The following FEZ2 variants were observed in gnomAD, a reference collection of about 807,000 sequenced individuals.
FEZ2 encodes fasciculation and elongation protein zeta 2, also known as fasciculation and elongation protein zeta-2.
In FEZ2, 51 loss-of-function variants were observed where a neutral mutation model predicts 40.4. That is an observed-to-expected ratio of 1.26 (90% CI 1.01 to 1.59). The LOEUF is 1.59. FEZ2 is among the 40% of genes most tolerant of loss of function. The probability of loss-of-function intolerance (pLI) is 0.00; values close to 1 mark genes in which losing one functional copy is unlikely to be tolerated. For missense variants in FEZ2, 640 were observed against 438.3 expected (o/e 1.46, Z -4.11); for synonymous variants, 242 against 172.0 (o/e 1.41, Z -3.18).
At chr2:36,582,129 T>C (rs1479703532) in intron 3 of FEZ2, among the ~76,000 whole-genome samples, 2 of 152,088 alleles carry the variant, frequency 1.3e-5, no homozygotes, top group Non-Finnish European at 2.9e-5. Flanking sequence ...ATCTTGCCCT[T>C]TTCCAGATTC....
intron 5 of FEZ2, among the ~76,000 whole-genome samples, chr2:36,565,721 T>C (rs776363312): frequency 7.9e-5 from 12 of 152,120 alleles, no homozygotes; most frequent in African/African-American, 1.7e-4. Flanking sequence ...GTTTTGAATA[T>C]AGCAATTATC....
chr2:36,590,873 C>G (rs1196719753), intron 2 of FEZ2, 30 bp downstream of exon 2: 1 of 1,216,850 alleles, frequency 8.2e-7, no homozygotes, highest in Non-Finnish European at 1.2e-6. Context: ...ATCAGTTATT[C>G]AAACACTATT....
chr2:36,574,377 T>C (rs978319297), intron 5 of FEZ2, among the ~76,000 whole-genome samples: 1 of 152,158 alleles, frequency 6.6e-6, no homozygotes, highest in South Asian at 2.1e-4. Context: ...CACTCATTCA[T>C]TCAGCAGAAA....
chr2:36,560,899 G>C (rs1668076076), intron 5 of FEZ2: 1 of 1,377,484 alleles, frequency 7.3e-7, no homozygotes, highest in Non-Finnish European at 1.0e-6. Flanking sequence ...AGAAGAAAAG[G>C]ACAGAGAAAG....
chr2:36,578,919 G>A, intron 4 of FEZ2, 54 bp from the exon 5 acceptor site: 2 of 1,470,690 alleles, frequency 1.4e-6, no homozygotes, highest in African/African-American at 1.4e-5. Flanking sequence ...TTTCAAGGAA[G>A]CAAAACAGAG....
At position 36,598,135 on chromosome 2, in the gene FEZ2, G is replaced by A. The variant is rs1435896561; in HGVS notation, c.8C>T (p.Ala3Val). Reference sequence around the variant, plus strand: ...ATAGAAATCCTGCCAGTCCCCGTCCGCCGCCATCGCCGCCCGGAGCAGTCG... The same window carrying A: ...ATAGAAATCCTGCCAGTCCCCGTCCACCGCCATCGCCGCCCGGAGCAGTCG... MA[A>V]DGDWQDFYEF... Residue 3 changes from alanine to valine, a missense_variant, in exon 1 of 8, where the codon GCG becomes GTG. Physicochemically the swap from Ala to Val is moderately conservative, Grantham distance 64 (BLOSUM62 0). Transcript: ENST00000405912. The A allele has an allele frequency of 2.0e-6, 3 of 1,474,012 alleles. No homozygotes were observed. The highest frequency in any genetic ancestry group is 2.5e-5 in the South Asian group (2 of 78,556). The allele number at this position is 1,474,012 out of a possible 1,614,324, so 91.3% of individuals were successfully genotyped here.
intron 2 of FEZ2, among the ~76,000 whole-genome samples, chr2:36,589,441 T>TC (rs1198107781): frequency 1.3e-5 from 2 of 152,146 alleles, no homozygotes; most frequent in Non-Finnish European, 2.9e-5. Flanking sequence ...AGGTGAGGAT[T>TC]CCCCCCAAGT....
chr2:36,588,727 G>A (rs72795285), intron 2 of FEZ2, among the ~76,000 whole-genome samples: 195 of 150,288 alleles, frequency 1.3e-3, no homozygotes, highest in Non-Finnish European at 2.3e-3. Context: ...ATCGGTTTTC[G>A]GTTTTTTATT....
At chr2:36,559,474 A>G (rs1391259653) in intron 5 of FEZ2, among the ~76,000 whole-genome samples, 2 of 152,224 alleles carry the variant, frequency 1.3e-5, no homozygotes, top group Non-Finnish European at 2.9e-5. Context: ...CCATAACTGA[A>G]AAACAGGATA....
At chr2:36,574,830 G>A (rs1465228141) in intron 5 of FEZ2, among the ~76,000 whole-genome samples, 1 of 152,098 alleles carries the variant, frequency 6.6e-6, no homozygotes, top group Non-Finnish European at 1.5e-5. Context: ...CCCATCCTCT[G>A]CTCCTCCAGA....
intron 5 of FEZ2, among the ~76,000 whole-genome samples, chr2:36,562,289 T>C (rs1668114550): frequency 6.6e-6 from 1 of 152,244 alleles, no homozygotes; most frequent in Admixed American, 6.5e-5. Flanking sequence ...ATTTGTAACA[T>C]GGCTAATATT....
chr2:36,592,463 G>C (rs1436379148), intron 1 of FEZ2, among the ~76,000 whole-genome samples: 1 of 152,070 alleles, frequency 6.6e-6, no homozygotes, highest in Non-Finnish European at 1.5e-5. Context: ...AGAAGCAATA[G>C]GACTGCAACG....
At chr2:36,576,444 A>G (rs1001377838) in intron 5 of FEZ2, among the ~76,000 whole-genome samples, 3 of 151,844 alleles carry the variant, frequency 2.0e-5, no homozygotes, top group African/African-American at 7.3e-5. Flanking sequence ...TAATTTTTGT[A>G]TTTTTTAGTA....
Position 36,552,290 on chromosome 2 carries a change from T to C in FEZ2, c.*873A>G, listed in dbSNP as rs569412304. 6.2e-5 allele frequency: 27 copies of C among 438,618 alleles called. No individual in the cohort carries two copies. The highest frequency in any genetic ancestry group is 3.5e-4 in the South Asian group (21 of 59,326). 27.2% of individuals were successfully genotyped at this position (438,618 alleles called of 1,614,324 possible). A position where few individuals can be genotyped will look rare whatever the true frequency, so the allele number is the denominator to read the frequency against. On this transcript the variant is annotated 3_prime_UTR_variant, in exon 8 of 8. Transcript: ENST00000405912. ...TTCTTAAAAAATTTATTAAATGCCA[T>C]TGATTTGACTGGAACCAGCAAAAGT...
chr2:36,569,103 G>A (rs1253991889), intron 5 of FEZ2, among the ~76,000 whole-genome samples: 1 of 152,146 alleles, frequency 6.6e-6, no homozygotes, highest in South Asian at 2.1e-4. Flanking sequence ...TTAAGCTTTT[G>A]TTTACTCATT....
intron 7 of FEZ2, chr2:36,555,379 A>T (rs546085896): frequency 4.7e-6 from 1 of 212,544 alleles, no homozygotes; most frequent in South Asian, 1.6e-4. Context: ...CAATCTGCCA[A>T]CATCTGATAC....
chr2:36,574,497 T>C (rs762084662), intron 5 of FEZ2, among the ~76,000 whole-genome samples: 3 of 151,914 alleles, frequency 2.0e-5, no homozygotes, highest in Admixed American at 1.3e-4. Flanking sequence ...AATTGCAGTA[T>C]GATACAACAG....
chr2:36,564,849 T>C (rs775600063), intron 5 of FEZ2, among the ~76,000 whole-genome samples: 6 of 152,208 alleles, frequency 3.9e-5, no homozygotes, highest in Non-Finnish European at 8.8e-5. Context: ...CTATGGAATA[T>C]GTCCATTCTC....
chr2:36,581,773 G>A (rs1381492330), intron 3 of FEZ2, among the ~76,000 whole-genome samples: 1 of 152,106 alleles, frequency 6.6e-6, no homozygotes, highest in Non-Finnish European at 1.5e-5. Flanking sequence ...AGATCATACA[G>A]TAATCGTTAG....
Sources: gnomAD v4.1 joint callset for allele counts (sites outside exome capture counted in the v4.1 genomes callset) on GRCh38, gnomAD v4.1.1 for gene constraint, MANE v1.5 for transcripts, NCBI Gene and HGNC (gene_info 2026-07-23, HGNC 2026-07-21) for gene names.